EHMT2: variants seen among roughly 807,000 people sequenced by gnomAD.
The protein encoded by EHMT2 is histone-lysine N-methyltransferase EHMT2.
A neutral mutation model predicts 143.3 loss-of-function variants in EHMT2; 59 were observed. The ratio of observed to expected loss-of-function variants is 0.41; its 90% CI spans 0.33 to 0.51. The LOEUF (loss-of-function observed/expected upper bound fraction) is 0.51, where lower values mean the gene tolerates loss of function less well. Among genes scored for constraint, EHMT2 ranks in the 20% least tolerant of loss-of-function variants. The probability of loss-of-function intolerance (pLI) is 0.18; values close to 1 mark genes in which losing one functional copy is unlikely to be tolerated. For missense variants in EHMT2, 1,174 were observed against 1,645.9 expected (o/e 0.71, Z 4.96); for synonymous variants, 604 against 651.5 (o/e 0.93, Z 1.11).
Position 31,880,318 on chromosome 6 carries a change from A to C in EHMT2, c.3453-54T>G. 6.3e-7 allele frequency: 1 copy of C among 1,577,380 alleles called. No homozygotes were observed. Among genetic ancestry groups the C allele is most frequent in the Non-Finnish European group, 8.6e-7 (1 of 1,156,402 alleles). ...ACCTGGACCCAGCCACCAAGAGCCC[A>C]CCCCGAAGACCCTGTGGATCCTGCT... On this transcript the variant is annotated intron_variant, in intron 27 of 27. Transcript: ENST00000375537. This position sits in a 1 kb window ranked among gnomAD's most constrained non-coding sequence, Gnocchi z 6.6.
At chr6:31,894,861 C>T (rs987613585) in intron 4 of EHMT2, among the ~76,000 whole-genome samples, 1 of 151,918 alleles carries the variant, frequency 6.6e-6, no homozygotes, top group African/African-American at 2.4e-5. Flanking sequence ...ACATGTTTAC[C>T]AGGCTGGTCT....
At chr6:31,897,579 G>A in intron 1 of EHMT2, 57 bp downstream of exon 1, 1 of 1,116,148 alleles carries the variant, frequency 9.0e-7, no homozygotes, top group Non-Finnish European at 1.1e-6. Context: ...ACGGGCGCGC[G>A]CTTCCCCCGG....
rs986992907 is a variant in EHMT2 at position 31,889,819 on chromosome 6, T to C, written c.865-217A>G. Among the ~76,000 whole-genome samples the C allele has an allele frequency of 6.6e-6, 1 of 152,118 alleles. No homozygotes were observed. The highest frequency in any genetic ancestry group is 1.5e-5 in the Non-Finnish European group (1 of 68,038). The stretch of plus-strand genomic sequence containing the variant: ...TACAGACAGCAATGTGCACAGATCT[T>C]GGTAATGTGATATTAAGTTAAAAAA... On this transcript the variant is annotated intron_variant, in intron 7 of 27. Transcript: ENST00000375537. The surrounding 1 kb of genome is among the most constrained non-coding windows in gnomAD (Gnocchi z 5.1).
chr6:31,884,838 C>T lies in EHMT2; in HGVS notation c.2449-39G>A, dbSNP rs747828134. 2 of 1,579,252 alleles carry T rather than the reference C, an allele frequency of 1.3e-6. No homozygotes were observed. The highest frequency in any genetic ancestry group is 1.7e-6 in the Non-Finnish European group (2 of 1,157,204). On this transcript the variant is annotated intron_variant, in intron 19 of 27. Transcript: ENST00000375537. This position sits in a 1 kb window ranked among gnomAD's most constrained non-coding sequence, Gnocchi z 7.3. ...AGGGGAACAGATGAGGTGCAGGCAG[C>T]TGGGCCCTTGAATCCAGCCTCCACC...
At chr6:31,886,480 G>C (rs905094995) in intron 18 of EHMT2, 101 bp downstream of exon 18, 16 of 913,898 alleles carry the variant, frequency 1.8e-5, no homozygotes, top group Non-Finnish European at 2.7e-5. Context: ...GACACGAGCA[G>C]TGTGAGGTCA....
Position 31,888,530 on chromosome 6 carries a change from G to A in EHMT2, c.1366-24C>T, listed in dbSNP as rs1765213380. On this transcript the variant is annotated intron_variant, in intron 11 of 27. Transcript: ENST00000375537. This position sits in a 1 kb window ranked among gnomAD's most constrained non-coding sequence, Gnocchi z 7.4. ...AGCTGTGCGCAGTGAGGATGGGTGA[G>A]AAGAGAGCGTGAGGCTGGGGCCGGG... 6.2e-7 allele frequency: 1 copy of A among 1,610,868 alleles called. No homozygotes were observed. Among genetic ancestry groups the A allele is most frequent in the Non-Finnish European group, 8.5e-7 (1 of 1,179,024 alleles).
In EHMT2 at chr6:31,883,978, G is replaced by A; in HGVS notation, c.2772-28C>T. 1 of 1,609,794 alleles carries A rather than the reference G, an allele frequency of 6.2e-7. No individual in the cohort carries two copies. Among genetic ancestry groups the A allele is most frequent in the Non-Finnish European group, 8.5e-7 (1 of 1,177,176 alleles). The stretch of plus-strand genomic sequence containing the variant: ...GCAGAAGACGGGAAGAAGGGGCTGG[G>A]AAGCTGGAAAAGGGGGTGAGGAGCT... On this transcript the variant is annotated intron_variant, in intron 21 of 27. Transcript: ENST00000375537. This position sits in a 1 kb window ranked among gnomAD's most constrained non-coding sequence, Gnocchi z 5.6.
exon 6 of EHMT2, chr6:31,892,723 T>G: frequency 6.2e-7 from 1 of 1,613,062 alleles, no homozygotes; most frequent in Non-Finnish European, 8.5e-7. Flanking sequence ...AGCTTCCTCC[T>G]TTTGGCCAGA....
At chr6:31,887,056 CGCTTGCTCT>C in exon 16 of EHMT2, 1 of 1,612,790 alleles carries the variant, frequency 6.2e-7, no homozygotes, top group Non-Finnish European at 8.5e-7. Flanking sequence ...CAGGGGCGTG[CGCTTGCTCT>C]GCTGGTCGCT....
At chr6:31,893,086 A>G in intron 4 of EHMT2, 176 bp from the exon 5 acceptor site, 1 of 583,266 alleles carries the variant, frequency 1.7e-6, no homozygotes. Context: ...AAGAGTGTCA[A>G]GCACACTAAC....
At chr6:31,882,185 G>A (rs1301823299) in intron 25 of EHMT2, among the ~76,000 whole-genome samples, 1 of 151,752 alleles carries the variant, frequency 6.6e-6, no homozygotes, top group Non-Finnish European at 1.5e-5. Context: ...TGGCAGCCAA[G>A]AGAAAGGGGG....
Position 31,880,078 on chromosome 6 carries a change from C to G in EHMT2, c.*6G>C, listed in dbSNP as rs1232172062. ...CCATGCTGGGGAGAGAGGGTGTGGT[C>G]CGTTCTCATGTGTTGACAGGGGGCA... On this transcript the variant is annotated 3_prime_UTR_variant, in exon 28 of 28. Coordinates refer to ENST00000375537, the Ensembl canonical transcript of EHMT2. This position sits in a 1 kb window ranked among gnomAD's most constrained non-coding sequence, Gnocchi z 6.6. 6.2e-7 allele frequency: 1 copy of G among 1,611,052 alleles called. No individual in the cohort carries two copies. The highest frequency in any genetic ancestry group is 1.7e-5 in the Admixed American group (1 of 59,948).
chr6:31,897,298 C>T (rs1218877602), intron 1 of EHMT2: 3 of 672,054 alleles, frequency 4.5e-6, no homozygotes, highest in South Asian at 8.0e-5. Context: ...CCCCCTTTGT[C>T]CCCCAGGCCG....
chr6:31,893,476 C>T (rs1765969702), intron 4 of EHMT2: 1 of 376,692 alleles, frequency 2.7e-6, no homozygotes, highest in Non-Finnish European at 5.3e-6. Context: ...TGTCACAATG[C>T]CTAACTAATG....
rs1207235532 is a variant in EHMT2 at position 31,897,616 on chromosome 6, C to T, written c.42+20G>A. The stretch of plus-strand genomic sequence containing the variant: ...CGCGCGCGCGGGCATGCACCCGCCT[C>T]TCCCCCTCCCCTTCCGCACCTCGGC... On this transcript the variant is annotated intron_variant, in intron 1 of 27. Coordinates refer to ENST00000375537, the Ensembl canonical transcript of EHMT2. The T allele has an allele frequency of 4.8e-5, 55 of 1,144,222 alleles. No individual in the cohort carries two copies. The African/African-American group carries it at 5.1e-4, about 11-fold the overall frequency. 70.9% of individuals were successfully genotyped at this position (1,144,222 alleles called of 1,614,324 possible). A position where few individuals can be genotyped will look rare whatever the true frequency, so the allele number is the denominator to read the frequency against.
At chr6:31,895,196 TTAAAGGCA>T (rs1364298290) in intron 4 of EHMT2, among the ~76,000 whole-genome samples, 11 of 152,212 alleles carry the variant, frequency 7.2e-5, no homozygotes, top group Admixed American at 1.3e-4. Flanking sequence ...AGGCAACTGC[TTAAAGGCA>T]TTTTGTACCT....
At chr6:31,890,873 AAAAC>A (rs35603294) in intron 7 of EHMT2, among the ~76,000 whole-genome samples, 54 of 150,228 alleles carry the variant, frequency 3.6e-4, no homozygotes, top group Non-Finnish European at 4.3e-4. Context: ...TCAAAAAACA[AAAAC>A]AAACAAACAA....
chr6:31,889,680 A>G lies in EHMT2; in HGVS notation c.865-78T>C. On this transcript the variant is annotated intron_variant, in intron 7 of 27. Transcript: ENST00000375537. This position sits in a 1 kb window ranked among gnomAD's most constrained non-coding sequence, Gnocchi z 5.1. ...GTGAGTAAAGAAAACCACCACCACC[A>G]TTGCCCCCCGCCACTACCCACGGAT... 3 of 1,569,556 alleles carry G rather than the reference A, an allele frequency of 1.9e-6. No homozygotes were observed. Among genetic ancestry groups the G allele is most frequent in the Non-Finnish European group, 2.6e-6 (3 of 1,157,038 alleles).
At position 31,880,410 on chromosome 6, in the gene EHMT2, T is replaced by G; in HGVS notation, c.3453-146A>C. 1 of 985,090 alleles carries G rather than the reference T, an allele frequency of 1.0e-6. No individual in the cohort carries two copies. The highest frequency in any genetic ancestry group is 1.5e-6 in the Non-Finnish European group (1 of 683,010). The allele number at this position is 985,090 out of a possible 1,614,324, so 61.0% of individuals were successfully genotyped here. A position where few individuals can be genotyped will look rare whatever the true frequency, so the allele number is the denominator to read the frequency against. On this transcript the variant is annotated intron_variant, in intron 27 of 27. Transcript: ENST00000375537. This position sits in a 1 kb window ranked among gnomAD's most constrained non-coding sequence, Gnocchi z 6.6. Reference sequence around the variant, plus strand: ...GGATCTGAGCCCCTTGTATGTTCTATGGACTTTCAGCATCAGCATTGCCTG... The same window carrying G: ...GGATCTGAGCCCCTTGTATGTTCTAGGGACTTTCAGCATCAGCATTGCCTG...
Sources: gnomAD v4.1 joint callset for allele counts (sites outside exome capture counted in the v4.1 genomes callset) on GRCh38, gnomAD v4.1.1 for gene constraint, Gnocchi (gnomAD v3.1) non-coding constraint, MANE v1.5 for transcripts, NCBI Gene and HGNC (gene_info 2026-07-23, HGNC 2026-07-21) for gene names.